SORCS3: variants seen among roughly 807,000 people sequenced by gnomAD.
SORCS3 encodes the protein sortilin related VPS10 domain containing receptor 3.
A neutral mutation model predicts 146.3 loss-of-function variants in SORCS3; 57 were observed. The observed-to-expected ratio is 0.39, with a 90% CI of 0.31 to 0.49. The LOEUF (loss-of-function observed/expected upper bound fraction) is 0.49, where lower values mean the gene tolerates loss of function less well. Among genes scored for constraint, SORCS3 ranks in the 20% least tolerant of loss-of-function variants. SORCS3 has a pLI of 0.92. For missense variants in SORCS3, 1,341 were observed against 1,575.5 expected (o/e 0.85, Z 2.52); for synonymous variants, 653 against 618.5 (o/e 1.06, Z -0.83).
Position 105,265,058 on chromosome 10 carries a change from G to A in SORCS3, c.*1684G>A, listed in dbSNP as rs1382079086. On this transcript the variant is annotated 3_prime_UTR_variant, in exon 27 of 27. Transcript: ENST00000369701. ...GCTTTTTTGTTTCAAGGGTTAAATGGGGCAGACAATTGCAATACTTGTACT... is the reference window on the plus strand; with the variant it reads ...GCTTTTTTGTTTCAAGGGTTAAATGAGGCAGACAATTGCAATACTTGTACT... 6.6e-6 allele frequency: 1 copy of A among 152,314 alleles called. No homozygotes were observed. Among genetic ancestry groups the A allele is most frequent in the Non-Finnish European group, 1.5e-5 (1 of 68,004 alleles). The allele number at this position is 152,314 out of a possible 1,614,324, so 9.4% of individuals were successfully genotyped here.
intron 8 of SORCS3, among the ~76,000 whole-genome samples, chr10:105,142,118 G>A (rs1234871292): frequency 1.3e-5 from 2 of 152,124 alleles, no homozygotes; most frequent in African/African-American, 2.4e-5. Context: ...TTACCACGCT[G>A]AGCCTGATAT....
At position 105,212,342 on chromosome 10, in the gene SORCS3, T is replaced by C. The variant is rs79532181; in HGVS notation, c.2375+1092T>C. On this transcript the variant is annotated intron_variant, in intron 17 of 26. Transcript: ENST00000369701. Reference sequence around the variant, plus strand: ...AGTTTAGGGACTTAAGGCATTCAAATTGCAGATCCAACAGCATGAAGTTAA... The same window carrying C: ...AGTTTAGGGACTTAAGGCATTCAAACTGCAGATCCAACAGCATGAAGTTAA... Among the ~76,000 whole-genome samples the C allele has an allele frequency of 7.8e-3, 1,194 of 152,280 alleles. 13 individuals carry two copies. The highest frequency in any genetic ancestry group is 0.027 in the African/African-American group (1,137 of 41,554).
At chr10:105,203,248 G>A (rs758039982) in intron 16 of SORCS3, among the ~76,000 whole-genome samples, 30 of 152,156 alleles carry the variant, frequency 2.0e-4, no homozygotes, top group Admixed American at 2.0e-4. Flanking sequence ...AGTTTGACTA[G>A]CAGAGTCCTT....
chr10:104,950,806 C>T (rs998487183), intron 3 of SORCS3, among the ~76,000 whole-genome samples: 4 of 152,148 alleles, frequency 2.6e-5, no homozygotes, highest in African/African-American at 7.2e-5. Context: ...GAATGTTCAA[C>T]GAAGATTCCG....
At chr10:104,978,366 A>G (rs941987626) in intron 4 of SORCS3, among the ~76,000 whole-genome samples, 2 of 152,200 alleles carry the variant, frequency 1.3e-5, no homozygotes, top group African/African-American at 4.8e-5. Flanking sequence ...AGTGACCCCA[A>G]TAAGACCTCC....
intron 14 of SORCS3, among the ~76,000 whole-genome samples, chr10:105,193,013 T>G (rs181076771): frequency 1.6e-3 from 243 of 152,290 alleles, no homozygotes; most frequent in African/African-American, 5.7e-3. Context: ...AGATCCCCTT[T>G]GAAATCATTT....
chr10:105,060,946 A>C (rs1002114385), intron 5 of SORCS3, among the ~76,000 whole-genome samples: 28 of 152,162 alleles, frequency 1.8e-4, no homozygotes, highest in Non-Finnish European at 3.1e-4. Context: ...TTAAAACAAA[A>C]AAAAAAAACA....
At chr10:104,695,337 T>C (rs778665323) in intron 1 of SORCS3, among the ~76,000 whole-genome samples, 1 of 151,608 alleles carries the variant, frequency 6.6e-6, no homozygotes, top group Admixed American at 6.6e-5. Context: ...TGGTTTGTTA[T>C]TTGCTGGGGG....
chr10:104,867,372 A>C (rs3001926), intron 2 of SORCS3, among the ~76,000 whole-genome samples: 126,579 of 150,800 alleles, frequency 0.84, 53,560 homozygotes, highest in East Asian at 0.98. Flanking sequence ...TGCAGTGGCG[A>C]GATCTCGGCT....
chr10:104,642,767 T>G (rs1192795003), intron 1 of SORCS3, among the ~76,000 whole-genome samples: 3 of 152,154 alleles, frequency 2.0e-5, no homozygotes, highest in Admixed American at 6.5e-5. Context: ...TGAGCGGAGT[T>G]GGGTGCCTGA....
chr10:104,958,776 T>G (rs889735662), intron 3 of SORCS3, among the ~76,000 whole-genome samples: 1 of 152,140 alleles, frequency 6.6e-6, no homozygotes, highest in Non-Finnish European at 1.5e-5. Flanking sequence ...CAGTTCCACA[T>G]GGCTGAGGAG....
chr10:104,990,154 C>T (rs1367177699), intron 4 of SORCS3, among the ~76,000 whole-genome samples: 5 of 152,188 alleles, frequency 3.3e-5, no homozygotes, highest in Non-Finnish European at 5.9e-5. Context: ...TTAGGGGCAG[C>T]CTTAGCCAAA....
chr10:105,037,804 C>G (rs1050369622), intron 4 of SORCS3, among the ~76,000 whole-genome samples: 4 of 152,154 alleles, frequency 2.6e-5, no homozygotes, highest in African/African-American at 4.8e-5. Flanking sequence ...CAAATTCAAC[C>G]CATAACAATG....
At chr10:104,882,106 A>C (rs1372796577) in intron 2 of SORCS3, among the ~76,000 whole-genome samples, 2 of 152,172 alleles carry the variant, frequency 1.3e-5, no homozygotes, top group Non-Finnish European at 2.9e-5. Context: ...CTGATCTGCC[A>C]CTGATTAATA....
At chr10:104,986,962 G>T (rs1184867258) in intron 4 of SORCS3, among the ~76,000 whole-genome samples, 1 of 152,044 alleles carries the variant, frequency 6.6e-6, no homozygotes, top group Non-Finnish European at 1.5e-5. Context: ...ACATACTCTT[G>T]GAAAAATGGT....
chr10:105,240,419 A>G (rs934202089), intron 20 of SORCS3, among the ~76,000 whole-genome samples: 1 of 152,230 alleles, frequency 6.6e-6, no homozygotes, highest in African/African-American at 2.4e-5. Context: ...CAGTAAAACA[A>G]AACGGAAAAC....
intron 14 of SORCS3, among the ~76,000 whole-genome samples, chr10:105,179,898 T>G (rs1000170382): frequency 6.6e-6 from 1 of 152,176 alleles, no homozygotes; most frequent in African/African-American, 2.4e-5. Context: ...AATTGAAAAC[T>G]TATTAATAAA....
chr10:104,968,160 A>G (rs1442264408), intron 3 of SORCS3, among the ~76,000 whole-genome samples: 1 of 152,086 alleles, frequency 6.6e-6, no homozygotes, highest in Admixed American at 6.6e-5. Flanking sequence ...TTGTTGCCCA[A>G]GCTGGAGTGT....
chr10:105,203,433 A>G (rs2056585528), intron 16 of SORCS3, among the ~76,000 whole-genome samples: 1 of 152,148 alleles, frequency 6.6e-6, no homozygotes, highest in South Asian at 2.1e-4. Flanking sequence ...TATTAATTTT[A>G]GGCTTCCTTG....
Sources: allele counts gnomAD v4.1 joint callset (sites outside exome capture counted in the v4.1 genomes callset), GRCh38; gene constraint gnomAD v4.1.1; transcripts MANE v1.5; gene names NCBI Gene and HGNC (gene_info 2026-07-23, HGNC 2026-07-21).